JCHAIN: variants seen among roughly 807,000 people sequenced by gnomAD.
JCHAIN encodes immunoglobulin J chain.
JCHAIN carries 5 observed loss-of-function variants against 11.1 expected under a neutral mutation model. The ratio of observed to expected loss-of-function variants is 0.45; its 90% confidence interval spans 0.24 to 0.95. The LOEUF (loss-of-function observed/expected upper bound fraction) is 0.95. JCHAIN is among the 40% of genes least tolerant of loss of function. The pLI is 0.21. For synonymous variants in JCHAIN, 51 were observed against 67.8 expected (o/e 0.75, Z 1.22); for missense variants, 165 against 192.7 (o/e 0.86, Z 0.85).
At chr4:70,656,607 A>T (rs754448731) in intron 3 of JCHAIN, 68 bp from the exon 4 acceptor site, 82 of 1,159,584 alleles carry the variant, frequency 7.1e-5, no homozygotes, top group Non-Finnish European at 9.9e-5. Flanking sequence ...TACACATTTC[A>T]ATCCAAAATC....
At position 70,662,219 on chromosome 4, in the gene JCHAIN, G is replaced by C; in HGVS notation, c.65-4C>G. The stretch of plus-strand genomic sequence containing the variant: ...ACAATCCTTTCATCTTCTTGGGCTT[G>C]AAAGGTAAACGTATTAAAAAGAAAG... On this transcript the variant is annotated splice_region_variant and splice_polypyrimidine_tract_variant and intron_variant, in intron 1 of 3. Transcript: ENST00000254801. The C allele has an allele frequency of 6.2e-7, 1 of 1,611,772 alleles. No homozygotes were observed.
rs1738967213 is a variant in JCHAIN at position 70,657,274 on chromosome 4, CTGT to C, written c.203_205del (p.Asn68del). ...TGAGGTGGGATCAGAGATATTCTCC[CTGT>C]TGTTCAGAGGAACACTAAAAGAAAA... On this transcript the variant is annotated inframe_deletion, in exon 3 of 4. Transcript: ENST00000254801. 1.3e-6 allele frequency: 2 copies of C among 1,597,742 alleles called. No homozygotes were observed. The highest frequency in any genetic ancestry group is 1.7e-6 in the Non-Finnish European group (2 of 1,165,750).
At chr4:70,666,345 A>T in intron 1 of JCHAIN, 82 bp downstream of exon 1, 1 of 943,926 alleles carries the variant, frequency 1.1e-6, no homozygotes, top group Non-Finnish European at 1.7e-6. Context: ...ACCAAAGCAT[A>T]GGCATAAATG....
chr4:70,664,381 A>T (rs1362913327), intron 1 of JCHAIN, among the ~76,000 whole-genome samples: 1 of 152,134 alleles, frequency 6.6e-6, no homozygotes, highest in East Asian at 1.9e-4. Flanking sequence ...AGTTTAAATG[A>T]TCAGAATAGT....
chr4:70,657,325 A>ATATC, intron 2 of JCHAIN, 34 bp from the exon 3 acceptor site: 3 of 1,293,688 alleles, frequency 2.3e-6, no homozygotes, highest in Non-Finnish European at 3.4e-6. Context: ...AGTTAAAACA[A>ATATC]TGAAATGCAG....
chr4:70,656,534 T>C lies in JCHAIN; in HGVS notation c.275A>G (p.Lys92Arg), dbSNP rs759488146. ...CTCCACTTCTGTAGGATCACATTTTTTACAGCTGAAAAGCAAATATATGTA... is the reference window on the plus strand; with the variant it reads ...CTCCACTTCTGTAGGATCACATTTTCTACAGCTGAAAAGCAAATATATGTA... ...RFVYHLSDLCKKCDPTEVELD... is the reference protein window; with the variant it reads ...RFVYHLSDLCRKCDPTEVELD... Residue 92 changes from lysine to arginine, a missense_variant, in exon 4 of 4, where the codon AAA (lysine) becomes AGA (arginine). Coordinates refer to ENST00000254801, the MANE Select transcript of JCHAIN (RefSeq NM_144646.4). 6.2e-7 allele frequency: 1 copy of C among 1,611,688 alleles called. No homozygotes were observed. The highest frequency in any genetic ancestry group is 8.5e-7 in the Non-Finnish European group (1 of 1,178,876).
intron 1 of JCHAIN, chr4:70,664,186 C>T (rs980761432): frequency 4.0e-5 from 6 of 151,742 alleles, no homozygotes; most frequent in African/African-American, 1.5e-4. Context: ...AAGACTGCAC[C>T]ACTCCACTCC....
intron 2 of JCHAIN, among the ~76,000 whole-genome samples, chr4:70,658,419 C>G (rs923704206): frequency 6.6e-6 from 1 of 152,156 alleles, no homozygotes; most frequent in African/African-American, 2.4e-5. Context: ...CTAATATGCC[C>G]CTAACTCTCC....
At position 70,655,857 on chromosome 4, in the gene JCHAIN, T is replaced by C. The variant is rs965311943; in HGVS notation, c.*472A>G. 6.6e-6 allele frequency: 1 copy of C among 151,934 alleles called. No individual in the cohort carries two copies. Among genetic ancestry groups the C allele is most frequent in the African/African-American group, 2.4e-5 (1 of 41,226 alleles). The allele number at this position is 151,934 out of a possible 1,614,324, so 9.4% of individuals were successfully genotyped here. On this transcript the variant is annotated 3_prime_UTR_variant, in exon 4 of 4. Coordinates refer to ENST00000254801, the MANE Select transcript of JCHAIN (RefSeq NM_144646.4). ...GAGACATATAATTGACCTATGTTTATGCATATATGTTCTCTACACAGTGAA... is the reference window on the plus strand; with the variant it reads ...GAGACATATAATTGACCTATGTTTACGCATATATGTTCTCTACACAGTGAA...
intron 2 of JCHAIN, among the ~76,000 whole-genome samples, chr4:70,661,747 C>G (rs1428744390): frequency 6.6e-6 from 1 of 152,146 alleles, no homozygotes; most frequent in Non-Finnish European, 1.5e-5. Flanking sequence ...CCACTGCACT[C>G]TAGCCTGGGT....
chr4:70,661,910 C>T (rs963068617), intron 2 of JCHAIN, among the ~76,000 whole-genome samples, 182 bp downstream of exon 2: 1 of 152,212 alleles, frequency 6.6e-6, no homozygotes, highest in Admixed American at 6.5e-5. Context: ...ATCTTTCATT[C>T]TTACCCCTAA....
chr4:70,666,432 A>G lies in JCHAIN; in HGVS notation c.59T>C (p.Val20Ala), dbSNP rs1449748684. 6.2e-7 allele frequency: 1 copy of G among 1,605,514 alleles called. No individual in the cohort carries two copies. ...VLAVFIKAVH[V>A]KAQEDERIVL... ...ATTTTCTAAATATCACATACCTTTC[A>G]CATGAACAGCCTTAATAAAAACCGC... is the stretch of plus-strand genomic sequence containing the variant. The change falls in exon 1 of 4, where the codon GTG becomes GCG. Residue 20 changes from valine (V) to alanine (A), a missense_variant. Val to Ala is a moderately conservative substitution (Grantham distance 64). Coordinates refer to ENST00000254801, the MANE Select transcript of JCHAIN (RefSeq NM_144646.4).
chr4:70,665,643 A>G (rs1373870740), intron 1 of JCHAIN, among the ~76,000 whole-genome samples: 1 of 151,954 alleles, frequency 6.6e-6, no homozygotes, highest in Non-Finnish European at 1.5e-5. Flanking sequence ...ATATGTATAT[A>G]TACTTACATT....
rs6837317 is a variant in JCHAIN, at chr4:70,664,917, C to T, written c.64+1510G>A. 9.1e-3 allele frequency among the ~76,000 whole-genome samples: 1,388 copies of T among 152,234 alleles called. 16 individuals carry two copies. The highest frequency in any genetic ancestry group is 0.031 in the African/African-American group (1,280 of 41,538). ...ATATCTATCAGAAATACATAGCTGT[C>T]AGAAAAGTTACAAATACTTTCAATT... On this transcript the variant is annotated intron_variant, in intron 1 of 3. Transcript: ENST00000254801.
At chr4:70,660,876 T>C (rs1040322823) in intron 2 of JCHAIN, among the ~76,000 whole-genome samples, 1 of 152,170 alleles carries the variant, frequency 6.6e-6, no homozygotes, top group African/African-American at 2.4e-5. Context: ...GAATAAATAA[T>C]AGTAAATATT....
rs370641440 is a variant in JCHAIN, at chr4:70,656,431, A to G, written c.378T>C (p.Tyr126=). Residue 126 remains tyrosine (Y), a synonymous_variant, in exon 4 of 4, where the codon TAT becomes TAC. Coordinates refer to ENST00000254801, the MANE Select transcript of JCHAIN (RefSeq NM_144646.4). ...EDSATETCYT[Y]DRNKCYTAVV... The stretch of plus-strand genomic sequence containing the variant: ...CAGCTGTGTAGCACTTGTTTCTGTC[A>G]TAAGTGTAGCAGGTCTCTGTAGCAC... The G allele has an allele frequency of 1.7e-4, 278 of 1,613,878 alleles. No individual in the cohort carries two copies. Among genetic ancestry groups the G allele is most frequent in the Non-Finnish European group, 2.1e-4 (243 of 1,179,856 alleles).
chr4:70,662,117 T>C lies in JCHAIN; in HGVS notation c.163A>G (p.Ile55Val). 1 of 1,613,842 alleles carries C rather than the reference T, an allele frequency of 6.2e-7. No individual in the cohort carries two copies. The highest frequency in any genetic ancestry group is 8.5e-7 in the Non-Finnish European group (1 of 1,179,748). Residue 55 changes from isoleucine to valine, a missense_variant, in exon 2 of 4, where the codon ATT becomes GTT. Transcript: ENST00000254801. ...ATAATTCGGATGTTTCTCTCCACAATGTCCTCATTAGGATCTTCGGAAGAA... is the reference window on the plus strand; with the variant it reads ...ATAATTCGGATGTTTCTCTCCACAACGTCCTCATTAGGATCTTCGGAAGAA... ...IRSSEDPNED[I>V]VERNIRIIVP... is the part of the protein sequence containing the mutation.
At chr4:70,664,424 G>A (rs960711460) in intron 1 of JCHAIN, among the ~76,000 whole-genome samples, 2 of 151,948 alleles carry the variant, frequency 1.3e-5, no homozygotes, top group African/African-American at 2.4e-5. Flanking sequence ...TTCCTGAGAC[G>A]ATTCCCAGAG....
intron 1 of JCHAIN, 107 bp from the exon 2 acceptor site, chr4:70,662,322 G>A: frequency 1.0e-6 from 1 of 981,242 alleles, no homozygotes; most frequent in Non-Finnish European, 1.5e-6. Flanking sequence ...TTTTATGGTT[G>A]GTTTGTCTCA....
Sources: allele counts gnomAD v4.1 joint callset (sites outside exome capture counted in the v4.1 genomes callset), GRCh38; gene constraint gnomAD v4.1.1; transcripts MANE v1.5; gene names NCBI Gene and HGNC (gene_info 2026-07-23, HGNC 2026-07-21).